The following GPHN variants were observed in gnomAD, a reference collection of about 807,000 sequenced individuals.
GPHN encodes gephyrin.
GPHN carries 17 observed loss-of-function variants against 95.5 expected under a neutral mutation model. That is an observed-to-expected ratio of 0.18 (90% CI 0.12 to 0.27). GPHN has a LOEUF of 0.27. Ranked by LOEUF, GPHN falls within the 10% of genes least tolerant of loss-of-function variation. The probability of loss-of-function intolerance (pLI) is 1.00; values close to 1 mark genes in which losing one functional copy is unlikely to be tolerated. For synonymous variants in GPHN, 320 were observed against 322.5 expected (o/e 0.99, Z 0.08); for missense variants, 660 against 978.1 (o/e 0.67, Z 4.34).
intron 1 of GPHN, among the ~76,000 whole-genome samples, chr14:66,612,343 A>C (rs2153284698): frequency 6.6e-6 from 1 of 151,628 alleles, no homozygotes; most frequent in Admixed American, 6.6e-5. Flanking sequence ...TTGTTCTTTT[A>C]TAAAGCTCAT....
At chr14:67,317,365 T>C in the GPHN span, 1 of 1,492,544 alleles carries the variant, frequency 6.7e-7, no homozygotes, top group Non-Finnish European at 9.2e-7. Flanking sequence ...GTGGTTTTGT[T>C]CACGGGAACA....
intron 10 of GPHN, among the ~76,000 whole-genome samples, chr14:67,056,902 G>A (rs572562202): frequency 7.9e-5 from 12 of 152,314 alleles, no homozygotes; most frequent in African/African-American, 2.6e-4. Context: ...TCGAGCGGGC[G>A]CTCGCGGGTC....
At chr14:67,447,037 T>C in the GPHN span, 73 of 151,968 alleles carry the variant, frequency 4.8e-4, no homozygotes, top group African/African-American at 1.7e-3. Context: ...ATATGGGGAG[T>C]GTCTTAGTCT....
intron 8 of GPHN, among the ~76,000 whole-genome samples, chr14:66,948,715 A>G (rs80328969): frequency 0.012 from 1,833 of 152,336 alleles, 19 homozygotes; most frequent in Non-Finnish European, 0.018. Flanking sequence ...ATCAAAACCT[A>G]CAGACCTACT....
the GPHN span, chr14:67,374,674 G>T: frequency 5.3e-6 from 3 of 562,586 alleles, no homozygotes; most frequent in Non-Finnish European, 5.7e-6. Flanking sequence ...ATTAGTACTA[G>T]AAGTGTTTTG....
At chr14:66,987,091 T>C (rs1193215388) in intron 9 of GPHN, among the ~76,000 whole-genome samples, 2 of 152,138 alleles carry the variant, frequency 1.3e-5, no homozygotes, top group Non-Finnish European at 2.9e-5. Flanking sequence ...AGTGTGCCTA[T>C]TTCAAAAACT....
At chr14:67,392,362 A>G in the GPHN span, 3 of 1,613,352 alleles carry the variant, frequency 1.9e-6, no homozygotes, top group African/African-American at 4.0e-5. Flanking sequence ...CCACCGTGCC[A>G]CTTAACTCCA....
chr14:66,822,878 C>T (rs112747649), intron 3 of GPHN, among the ~76,000 whole-genome samples: 81 of 152,184 alleles, frequency 5.3e-4, no homozygotes, highest in African/African-American at 1.6e-3. Context: ...ATTTCACTAC[C>T]GTAATGGAAG....
intron 1 of GPHN, among the ~76,000 whole-genome samples, chr14:66,531,285 T>C (rs963425481): frequency 6.6e-6 from 1 of 152,114 alleles, no homozygotes; most frequent in Non-Finnish European, 1.5e-5. Flanking sequence ...TCAAATTTTC[T>C]TTTGCAGGTG....
At chr14:67,228,204 G>A in the GPHN span, 1 of 152,190 alleles carries the variant, frequency 6.6e-6, no homozygotes, top group South Asian at 2.1e-4. Flanking sequence ...GTTTAATAAT[G>A]TTTTAATGGC....
chr14:66,557,224 G>C lies in GPHN; in HGVS notation c.64+48633G>C, dbSNP rs754620823. Reference sequence around the variant, plus strand: ...CCTGTCTGAAATAGATAGATAGATAGATACATAGGTAGGTAGATAGATAGA... The same window carrying C: ...CCTGTCTGAAATAGATAGATAGATACATACATAGGTAGGTAGATAGATAGA... On this transcript the variant is annotated intron_variant, in intron 1 of 22. Coordinates refer to ENST00000478722, the MANE Select transcript of GPHN (RefSeq NM_020806.5). Among the ~76,000 whole-genome samples, 4 of 142,822 alleles carry C rather than the reference G, an allele frequency of 2.8e-5. No individual in the cohort carries two copies. In the Admixed American group the frequency reaches 3.0e-4, roughly 11 times the overall value. 93.7% of individuals were successfully genotyped at this position (142,822 alleles called of 152,430 possible).
intron 1 of GPHN, among the ~76,000 whole-genome samples, chr14:66,662,050 G>A (rs563113997): frequency 6.6e-6 from 1 of 152,270 alleles, no homozygotes; most frequent in East Asian, 1.9e-4. Context: ...AGGGAGGAGT[G>A]GGCTGCCATT....
chr14:67,036,663 A>G (rs2074441997), intron 10 of GPHN, among the ~76,000 whole-genome samples: 1 of 151,926 alleles, frequency 6.6e-6, no homozygotes, highest in African/African-American at 2.4e-5. Flanking sequence ...AATCTGAAAA[A>G]GAAATTAAGA....
chr14:67,342,342 A>C, the GPHN span, among the ~76,000 whole-genome samples: 1 of 151,960 alleles, frequency 6.6e-6, no homozygotes, highest in Non-Finnish European at 1.5e-5. Context: ...TAGATAACCT[A>C]TTGGACCATA....
At chr14:67,650,619 T>TTTTAC in the GPHN span, 1 of 1,156,926 alleles carries the variant, frequency 8.6e-7, no homozygotes, top group Non-Finnish European at 1.3e-6. Context: ...GGACTCTTGT[T>TTTTAC]TTTACTTTGG....
chr14:66,658,222 A>G (rs1040335946), intron 1 of GPHN, among the ~76,000 whole-genome samples: 10 of 152,208 alleles, frequency 6.6e-5, no homozygotes, highest in African/African-American at 2.4e-4. Flanking sequence ...GAATTTCTGC[A>G]ATCTCATGAT....
At chr14:67,221,776 C>T in the GPHN span, 1 of 1,613,202 alleles carries the variant, frequency 6.2e-7, no homozygotes, top group Non-Finnish European at 8.5e-7. Flanking sequence ...TTTATTTTTA[C>T]AGGAGCTTGA....
intron 12 of GPHN, among the ~76,000 whole-genome samples, chr14:67,096,792 A>G (rs981421248): frequency 2.8e-5 from 4 of 142,578 alleles, no homozygotes; most frequent in African/African-American, 5.2e-5. Context: ...ACACCTGGCT[A>G]TTTTTTGTAT....
chr14:67,562,393 C>G, the GPHN span: 1 of 1,613,714 alleles, frequency 6.2e-7, no homozygotes, highest in South Asian at 1.1e-5. Flanking sequence ...AGGCCAAGCC[C>G]CTTCAACCTC....
Sources: allele counts gnomAD v4.1 joint callset (sites outside exome capture counted in the v4.1 genomes callset), GRCh38; gene constraint gnomAD v4.1.1; transcripts MANE v1.5; gene names NCBI Gene and HGNC (gene_info 2026-07-23, HGNC 2026-07-21).